The following KRABD3 variants were observed in gnomAD, a reference collection of about 807,000 sequenced individuals.
The protein encoded by KRABD3 is KRAB domain containing 3.
At chr7:149,728,386 G>C in the KRABD3 span, 1 of 1,023,050 alleles carries the variant, frequency 9.8e-7, no homozygotes, top group Non-Finnish European at 1.4e-6. Context: ...CCAGAGCCAG[G>C]ACTGACACGT....
chr7:149,715,296 GCTT>G, the KRABD3 span: 3 of 1,218,902 alleles, frequency 2.5e-6, no homozygotes, highest in Non-Finnish European at 3.1e-6. Context: ...CCTTGGCGTG[GCTT>G]GTTTCGTTAC....
At chr7:149,726,996 A>G in the KRABD3 span, among the ~76,000 whole-genome samples, 10 of 152,270 alleles carry the variant, frequency 6.6e-5, no homozygotes, top group African/African-American at 2.4e-4. Context: ...CTGACCCCCA[A>G]CTTAGGAAAA....
chr7:149,732,941 G>A, the KRABD3 span, among the ~76,000 whole-genome samples: 28 of 152,284 alleles, frequency 1.8e-4, no homozygotes, highest in African/African-American at 3.1e-4. The surrounding 1 kb of genome is among the most constrained non-coding windows in gnomAD (Gnocchi z 4.0). Context: ...TGGGAAGACC[G>A]CAGTTTAGGA....
chr7:149,726,350 A>C, the KRABD3 span, among the ~76,000 whole-genome samples: 1 of 152,116 alleles, frequency 6.6e-6, no homozygotes, highest in Non-Finnish European at 1.5e-5. Context: ...TACTCCCAGC[A>C]CTTTGGGAGG....
chr7:149,733,800 CCCT>C, the KRABD3 span: 3 of 1,604,560 alleles, frequency 1.9e-6, no homozygotes, highest in East Asian at 4.5e-5. Context: ...CCTGCACACC[CCCT>C]CCTCGCACAT....
chr7:149,718,591 T>C, the KRABD3 span, among the ~76,000 whole-genome samples: 1 of 141,778 alleles, frequency 7.1e-6, no homozygotes, highest in African/African-American at 2.6e-5. Context: ...TGATCTCGGC[T>C]CACTGCAACC....
the KRABD3 span, chr7:149,733,422 GC>G: frequency 1.1e-5 from 18 of 1,597,360 alleles, no homozygotes; most frequent in Admixed American, 1.8e-5. Flanking sequence ...GCGCTGGCAG[GC>G]CTGGCTCAGG....
the KRABD3 span, chr7:149,715,288 T>G: frequency 8.2e-7 from 1 of 1,220,082 alleles, no homozygotes; most frequent in African/African-American, 1.6e-5. Flanking sequence ...GGAAACCCCC[T>G]TGGCGTGGCT....
chr7:149,715,826 C>T, the KRABD3 span, among the ~76,000 whole-genome samples: 1 of 152,174 alleles, frequency 6.6e-6, no homozygotes, highest in Non-Finnish European at 1.5e-5. Context: ...TGTTGTTGGG[C>T]AGGGACAGTC....
the KRABD3 span, chr7:149,723,939 C>T: frequency 6.3e-7 from 1 of 1,597,274 alleles, no homozygotes; most frequent in Non-Finnish European, 8.5e-7. Flanking sequence ...CCTACATTAC[C>T]CTGCCCCAGG....
At chr7:149,723,798 C>T in the KRABD3 span, 6 of 1,613,960 alleles carry the variant, frequency 3.7e-6, no homozygotes, top group East Asian at 8.9e-5. Flanking sequence ...TGAAGGAGCT[C>T]CCCGAGGCCC....
At chr7:149,730,704 TC>T in the KRABD3 span, 4 of 1,130,334 alleles carry the variant, frequency 3.5e-6, no homozygotes, top group Admixed American at 7.7e-5. Flanking sequence ...GTGCTTTAGT[TC>T]CCTGTAAGGT....
the KRABD3 span, chr7:149,721,246 C>T: frequency 3.5e-5 from 40 of 1,154,142 alleles, no homozygotes; most frequent in Non-Finnish European, 4.5e-5. Context: ...CATTCAGAGC[C>T]CAGTGATGAC....
the KRABD3 span, chr7:149,733,867 G>T: frequency 6.3e-7 from 1 of 1,594,174 alleles, no homozygotes. Context: ...CCTTACCCCT[G>T]CAGGGAGCCT....
the KRABD3 span, chr7:149,723,777 G>A: frequency 6.2e-7 from 1 of 1,614,020 alleles, no homozygotes; most frequent in African/African-American, 1.3e-5. Flanking sequence ...TCCAGGGTCT[G>A]CTACACTGTC....
At chr7:149,728,787 C>T in the KRABD3 span, 2 of 1,187,860 alleles carry the variant, frequency 1.7e-6, no homozygotes, top group Non-Finnish European at 2.3e-6. Flanking sequence ...GCTCTGGAAA[C>T]AGACCTGGGC....
At chr7:149,720,190 G>GAGGACCC in the KRABD3 span, 1 of 1,534,510 alleles carries the variant, frequency 6.5e-7, no homozygotes, top group Non-Finnish European at 8.8e-7. Flanking sequence ...CCCAGGCAAT[G>GAGGACCC]CGTGACCTCA....
At chr7:149,724,785 C>A in the KRABD3 span, 1 of 1,590,960 alleles carries the variant, frequency 6.3e-7, no homozygotes, top group African/African-American at 1.3e-5. Flanking sequence ...GGCAGCCCCT[C>A]AGTCCCTCAG....
the KRABD3 span, among the ~76,000 whole-genome samples, chr7:149,716,643 G>A: frequency 1.3e-5 from 2 of 152,316 alleles, no homozygotes; most frequent in East Asian, 3.9e-4. Context: ...TCTTGAGGCT[G>A]AGATGGTGAG....
Sources: allele counts gnomAD v4.1 joint callset (sites outside exome capture counted in the v4.1 genomes callset), GRCh38; gene constraint gnomAD v4.1.1; non-coding constraint Gnocchi (gnomAD v3.1); transcripts MANE v1.5; gene names NCBI Gene and HGNC (gene_info 2026-07-23, HGNC 2026-07-21).